Variants in ARHGAP35 observed in about 807,000 individuals in gnomAD.
The protein encoded by ARHGAP35 is rho GTPase-activating protein 35.
ARHGAP35 carries 15 observed loss-of-function variants against 111.1 expected under a neutral mutation model. That is an observed-to-expected ratio of 0.13 (90% confidence interval 0.09 to 0.21). ARHGAP35 has a LOEUF of 0.21. ARHGAP35 is among the 10% of genes least tolerant of loss of function. The probability of loss-of-function intolerance (pLI) is 1.00; values close to 1 mark genes in which losing one functional copy is unlikely to be tolerated. For missense variants in ARHGAP35, 1,262 were observed against 1,873.0 expected, an observed-to-expected ratio of 0.67 and a Z score of 6.02; for synonymous variants, 643 against 710.3, an observed-to-expected ratio of 0.91 and a Z score of 1.51.
At chr19:46,887,709 G>A (rs1477360710) in intron 1 of ARHGAP35, among the ~76,000 whole-genome samples, 1 of 151,956 alleles carries the variant, frequency 6.6e-6, no homozygotes, top group Non-Finnish European at 1.5e-5. Flanking sequence ...CTTCTGGGCC[G>A]TTTCATACAC....
At chr19:46,894,783 G>A (rs528885276) in intron 1 of ARHGAP35, among the ~76,000 whole-genome samples, 52 of 152,102 alleles carry the variant, frequency 3.4e-4, no homozygotes, top group Middle Eastern at 3.4e-3. Context: ...ATCTTTTTCT[G>A]CTGTCTCCTA....
chr19:46,939,600 A>G (rs2056333029), intron 3 of ARHGAP35, among the ~76,000 whole-genome samples: 3 of 151,384 alleles, frequency 2.0e-5, no homozygotes. Flanking sequence ...TTTAGTAGAG[A>G]TGGAGTTTCA....
intron 3 of ARHGAP35, among the ~76,000 whole-genome samples, chr19:46,973,408 G>A (rs989332702): frequency 2.6e-5 from 4 of 151,952 alleles, no homozygotes; most frequent in African/African-American, 4.8e-5. Flanking sequence ...TTGGCCGGGC[G>A]CAGTGGCTCA....
intron 5 of ARHGAP35, among the ~76,000 whole-genome samples, chr19:46,995,324 C>G (rs1401768794): frequency 2.6e-5 from 4 of 152,200 alleles, no homozygotes; most frequent in Non-Finnish European, 5.9e-5. Flanking sequence ...TTGCTTGAAT[C>G]TGGGAGGTGG....
intron 1 of ARHGAP35, among the ~76,000 whole-genome samples, chr19:46,891,275 T>C (rs538986685): frequency 5.4e-4 from 82 of 152,348 alleles, no homozygotes; most frequent in African/African-American, 1.9e-3. Context: ...TCCCTCACTT[T>C]ATTGATTCAT....
At chr19:46,876,167 G>A (rs1367431914) in intron 1 of ARHGAP35, among the ~76,000 whole-genome samples, 1 of 151,732 alleles carries the variant, frequency 6.6e-6, no homozygotes, top group South Asian at 2.1e-4. Flanking sequence ...GTCATTATTA[G>A]TGCTGCACTA....
chr19:46,987,218 CTTT>C (rs370500363), intron 3 of ARHGAP35, among the ~76,000 whole-genome samples: 4 of 115,586 alleles, frequency 3.5e-5, no homozygotes, highest in Non-Finnish European at 5.4e-5. Flanking sequence ...TCTTTTTTTT[CTTT>C]TTTTTTTTTT....
At chr19:46,930,065 T>C (rs545622068) in intron 2 of ARHGAP35, among the ~76,000 whole-genome samples, 69 of 152,034 alleles carry the variant, frequency 4.5e-4, no homozygotes, top group African/African-American at 1.7e-3. Flanking sequence ...ACCTGGCTGG[T>C]GTTAACTGTT....
rs182433681 is a variant in ARHGAP35, at chr19:46,922,926, A to G, written c.3681+570A>G. On this transcript the variant is annotated intron_variant, in intron 2 of 6. Transcript: ENST00000672722. The surrounding 1 kb of genome is among the most constrained non-coding windows in gnomAD (Gnocchi z 4.0). ...ACCTGTCCCGTATTTGTTAAATTGGAATACCATCCAGTCTATTATTTTATC... is the reference window on the plus strand; with the variant it reads ...ACCTGTCCCGTATTTGTTAAATTGGGATACCATCCAGTCTATTATTTTATC... Among the ~76,000 whole-genome samples, 888 of 152,284 alleles carry G rather than the reference A, an allele frequency of 5.8e-3. 7 individuals carry two copies. The highest frequency in any genetic ancestry group is 0.017 in the African/African-American group (710 of 41,568).
intron 1 of ARHGAP35, among the ~76,000 whole-genome samples, chr19:46,895,232 C>T (rs965895745): frequency 2.7e-5 from 4 of 150,640 alleles, no homozygotes; most frequent in East Asian, 1.9e-4. Context: ...GGCGCGATCT[C>T]GGCTCACTGC....
In ARHGAP35 at chr19:46,914,444, C is replaced by A. The variant is rs189772812; in HGVS notation, c.-188-4044C>A. On this transcript the variant is annotated intron_variant, in intron 1 of 6. Coordinates refer to ENST00000672722, the MANE Select transcript of ARHGAP35 (RefSeq NM_004491.5). ...TGGGCAACATAGCAAGACCCCATTTCTAAATAATAATAATAATAATAAATT... is the reference window on the plus strand; with the variant it reads ...TGGGCAACATAGCAAGACCCCATTTATAAATAATAATAATAATAATAAATT... Among the ~76,000 whole-genome samples the A allele has an allele frequency of 4.3e-3, 658 of 151,408 alleles. 5 individuals carry two copies. The highest frequency in any genetic ancestry group is 0.015 in the African/African-American group (608 of 40,862).
intron 1 of ARHGAP35, among the ~76,000 whole-genome samples, chr19:46,888,331 T>TACAC (rs1491147921): frequency 1.0e-4 from 6 of 59,782 alleles, no homozygotes; most frequent in African/African-American, 4.1e-4. Context: ...ATATTGATTT[T>TACAC]ATACACACAC....
At chr19:46,965,122 G>A (rs2056505673) in intron 3 of ARHGAP35, among the ~76,000 whole-genome samples, 2 of 152,160 alleles carry the variant, frequency 1.3e-5, no homozygotes, top group Non-Finnish European at 2.9e-5. Context: ...AGACCAGCCT[G>A]GCCAACATGG....
At chr19:46,895,174 T>G (rs1040825520) in intron 1 of ARHGAP35, among the ~76,000 whole-genome samples, 1 of 151,814 alleles carries the variant, frequency 6.6e-6, no homozygotes, top group African/African-American at 2.4e-5. Context: ...TCTTTTTTTT[T>G]TTTTTTTGAG....
At chr19:46,870,483 G>C (rs1188969284) in intron 1 of ARHGAP35, among the ~76,000 whole-genome samples, 1 of 151,960 alleles carries the variant, frequency 6.6e-6, no homozygotes, top group Admixed American at 6.5e-5. Flanking sequence ...GGAGGCTGAG[G>C]TAGGAGAATG....
chr19:46,999,541 G>C lies in ARHGAP35; in HGVS notation c.4142+132G>C, dbSNP rs1313815657. 5 of 632,594 alleles carry C rather than the reference G, an allele frequency of 7.9e-6. No individual in the cohort carries two copies. In the African/African-American group the frequency reaches 9.2e-5, roughly 12 times the overall value. The allele number at this position is 632,594 out of a possible 1,614,324, so 39.2% of individuals were successfully genotyped here. On this transcript the variant is annotated intron_variant, in intron 6 of 6. Coordinates refer to ENST00000672722, the MANE Select transcript of ARHGAP35 (RefSeq NM_004491.5). The surrounding 1 kb of genome is among the most constrained non-coding windows in gnomAD (Gnocchi z 5.4). ...CCTGGCCTGGAAGGGGTGCTGGCTGGCCTCCCATGGTGCCCGCTGGTCTCG... is the reference window on the plus strand; with the variant it reads ...CCTGGCCTGGAAGGGGTGCTGGCTGCCCTCCCATGGTGCCCGCTGGTCTCG...
At chr19:46,900,781 T>C (rs982128342) in intron 1 of ARHGAP35, among the ~76,000 whole-genome samples, 7 of 149,196 alleles carry the variant, frequency 4.7e-5, no homozygotes, top group Middle Eastern at 3.5e-3. Flanking sequence ...AAAAAAAACA[T>C]TCCTCGGCCT....
In ARHGAP35 at chr19:46,988,047, G is replaced by T; in HGVS notation, c.3885G>T (p.Leu1295=). ...VSGNKSEMES[L]QRQFDQDHNL... ...GGAACAAGTCTGAGATGGAGAGTCTGCAGAGACAGTTTGATCAAGGTAAAG... is the reference window on the plus strand; with the variant it reads ...GGAACAAGTCTGAGATGGAGAGTCTTCAGAGACAGTTTGATCAAGGTAAAG... Residue 1295 remains leucine (L), a synonymous_variant, in exon 4 of 7, where the codon CTG becomes CTT. Coordinates refer to ENST00000672722, the MANE Select transcript of ARHGAP35 (RefSeq NM_004491.5). This position sits in a 1 kb window ranked among gnomAD's most constrained non-coding sequence, Gnocchi z 5.4. 9 of 1,613,876 alleles carry T rather than the reference G, an allele frequency of 5.6e-6. No homozygotes were observed. The highest frequency in any genetic ancestry group is 7.6e-6 in the Non-Finnish European group (9 of 1,179,846).
chr19:46,875,973 C>T (rs1017637751), intron 1 of ARHGAP35, among the ~76,000 whole-genome samples: 2 of 152,066 alleles, frequency 1.3e-5, no homozygotes, highest in African/African-American at 4.8e-5. Context: ...TGGAGGCCTC[C>T]GTTACTCTTT....
Sources: allele counts gnomAD v4.1 joint callset (sites outside exome capture counted in the v4.1 genomes callset), GRCh38; gene constraint gnomAD v4.1.1; non-coding constraint Gnocchi (gnomAD v3.1); transcripts MANE v1.5; gene names NCBI Gene and HGNC (gene_info 2026-07-23, HGNC 2026-07-21).